The following FBN3 variants were observed in gnomAD, a reference collection of about 807,000 sequenced individuals.
FBN3 encodes fibrillin-3.
FBN3 carries 234 observed loss-of-function variants against 330.1 expected under a neutral mutation model. That is an observed-to-expected ratio of 0.71 (90% CI 0.64 to 0.79). The LOEUF is 0.79. FBN3 is among the 30% of genes least tolerant of loss of function. FBN3 has a pLI of 0.00. For missense variants in FBN3, 3,606 were observed against 3,886.9 expected, an observed-to-expected ratio of 0.93 and a Z score of 1.92; for synonymous variants, 1,458 against 1,517.3, an observed-to-expected ratio of 0.96 and a Z score of 0.91.
chr19:8,078,866 C>T (rs1278777634), intron 59 of FBN3, among the ~76,000 whole-genome samples: 1 of 151,698 alleles, frequency 6.6e-6, no homozygotes, highest in African/African-American at 2.4e-5. Context: ...ACTGCAGCCT[C>T]AACCTCCTGG....
rs1489548255 is a variant in FBN3 at position 8,091,598 on chromosome 19, G to T, written c.5906-8C>A. On this transcript the variant is annotated splice_polypyrimidine_tract_variant and splice_region_variant and intron_variant, in intron 47 of 63. Coordinates refer to ENST00000600128, the MANE Select transcript of FBN3 (RefSeq NM_032447.5). ...CTGAGCACTCGTCGATATCTGGAAG[G>T]GCAGGGACATGAGCTGGGTGGGGGG... is the stretch of plus-strand genomic sequence containing the variant. 1 of 1,613,820 alleles carries T rather than the reference G, an allele frequency of 6.2e-7. No individual in the cohort carries two copies. The highest frequency in any genetic ancestry group is 8.5e-7 in the Non-Finnish European group (1 of 1,179,906).
chr19:8,115,912 T>C (rs2082695348), intron 29 of FBN3, among the ~76,000 whole-genome samples: 1 of 151,960 alleles, frequency 6.6e-6, no homozygotes, highest in Non-Finnish European at 1.5e-5. Context: ...GTCAAATATA[T>C]TTAGAGAAGG....
chr19:8,086,133 G>GGGGGACAGGCAGTGGGA, intron 55 of FBN3, 67 bp downstream of exon 55: 1 of 1,229,658 alleles, frequency 8.1e-7, no homozygotes, highest in African/African-American at 1.6e-5. Context: ...AGGCAGTGGG[G>GGGGGACAGGCAGTGGGA]GGGGACAGGC....
At chr19:8,087,282 C>G (rs1405543431) in intron 53 of FBN3, 71 bp from the exon 54 acceptor site, 9 of 1,470,742 alleles carry the variant, frequency 6.1e-6, no homozygotes, top group Non-Finnish European at 8.1e-6. Flanking sequence ...TGGATTCCAC[C>G]CTGCGTCAGC....
Position 8,139,645 on chromosome 19 carries a change from G to C in FBN3, c.866-1081C>G, listed in dbSNP as rs13345952. 6.6e-3 allele frequency among the ~76,000 whole-genome samples: 1,007 copies of C among 152,040 alleles called. 7 individuals are homozygous for C. The highest frequency in any genetic ancestry group is 0.023 in the African/African-American group (935 of 41,452). ...GCCCCAAGGAGTCGAGGGGTGGATT[G>C]ACGGCTACAGCCCCCGGGGTGACTG... On this transcript the variant is annotated intron_variant, in intron 8 of 63. Transcript: ENST00000600128.
chr19:8,117,834 C>T (rs1006654609), intron 26 of FBN3, among the ~76,000 whole-genome samples: 1 of 152,070 alleles, frequency 6.6e-6, no homozygotes, highest in Admixed American at 6.6e-5. Context: ...CACACCCTGG[C>T]ACCCACTCAC....
chr19:8,092,530 T>C (rs1210084519), intron 47 of FBN3, among the ~76,000 whole-genome samples: 1 of 151,866 alleles, frequency 6.6e-6, no homozygotes, highest in Non-Finnish European at 1.5e-5. Flanking sequence ...TTGGCCAACA[T>C]GGTGAAACCC....
At chr19:8,081,210 G>C in intron 58 of FBN3, 91 bp from the exon 59 acceptor site, 1 of 1,486,188 alleles carries the variant, frequency 6.7e-7, no homozygotes, top group Non-Finnish European at 9.3e-7. Flanking sequence ...TCCAGGCAGA[G>C]GGGTGACAAG....
rs1335719279 is a variant in FBN3, at chr19:8,093,447, C to A, written c.5905+999G>T. On this transcript the variant is annotated intron_variant, in intron 47 of 63. Transcript: ENST00000600128. ...GAGCATCCTGGCTAACATGGTGAAA[C>A]CCCGTCTCTACTAAAAATACAAAAA... Among the ~76,000 whole-genome samples the A allele has an allele frequency of 2.6e-5, 4 of 151,952 alleles. No homozygotes were observed. The South Asian group carries it at 6.2e-4, about 24-fold the overall frequency.
rs1041322613 is a variant in FBN3 at position 8,100,905 on chromosome 19, G to A, written c.5157C>T (p.Pro1719=). 6.2e-7 allele frequency: 1 copy of A among 1,613,370 alleles called. No individual in the cohort carries two copies. Among genetic ancestry groups the A allele is most frequent in the African/African-American group, 1.3e-5 (1 of 74,850 alleles). The change falls in exon 41 of 64, where the codon CCC becomes CCT. Residue 1719 remains proline (P), a synonymous_variant. Coordinates refer to ENST00000600128, the MANE Select transcript of FBN3 (RefSeq NM_032447.5). ...GFLTDIHTGK[P]LDIDECGEIP... ...GAGCAGGGACCACTCACTCACCAAG[G>A]GGCTTCCCCGTGTGGATGTCAGTGA... is the stretch of plus-strand genomic sequence containing the variant.
At chr19:8,127,575 C>G (rs1431321228) in intron 18 of FBN3, among the ~76,000 whole-genome samples, 2 of 152,236 alleles carry the variant, frequency 1.3e-5, no homozygotes, top group African/African-American at 4.8e-5. Context: ...ACACCAGATG[C>G]CAGTTGCAAA....
rs1040519175 is a variant in FBN3 at position 8,123,401 on chromosome 19, T to G, written c.3082+63A>C. On this transcript the variant is annotated intron_variant, in intron 24 of 63. Coordinates refer to ENST00000600128, the MANE Select transcript of FBN3 (RefSeq NM_032447.5). ...AAGAACAGGTGTTGTCTCTACGTCT[T>G]ATTTGAGGCCCCTATCCCTGCCAAG... The G allele has an allele frequency of 1.0e-5, 16 of 1,558,292 alleles. No individual in the cohort carries two copies. In the Admixed American group the frequency reaches 2.7e-4, roughly 26 times the overall value.
intron 13 of FBN3, 82 bp downstream of exon 13, chr19:8,135,879 G>T: frequency 1.4e-6 from 2 of 1,442,306 alleles, no homozygotes; most frequent in Non-Finnish European, 1.9e-6. Flanking sequence ...GGGTTTGGGG[G>T]CACAGTGAAG....
chr19:8,137,321 G>A (rs1216985893), intron 10 of FBN3, among the ~76,000 whole-genome samples: 1 of 149,382 alleles, frequency 6.7e-6, no homozygotes, highest in African/African-American at 2.5e-5. Context: ...CCAACCTGGG[G>A]CCTTAGATCC....
intron 13 of FBN3, among the ~76,000 whole-genome samples, chr19:8,134,058 C>A (rs1300566929): frequency 9.5e-6 from 1 of 105,010 alleles, no homozygotes; most frequent in Non-Finnish European, 2.1e-5. Flanking sequence ...AACCCCATCT[C>A]TACTAAAAAT....
chr19:8,089,466 G>A (rs3813782), intron 51 of FBN3, 79 bp downstream of exon 51: 215,344 of 1,540,276 alleles, frequency 0.14, 16,275 homozygotes, highest in East Asian at 0.26. Context: ...CTGCCTGGGG[G>A]TGTCTTCCCT....
intron 51 of FBN3, among the ~76,000 whole-genome samples, chr19:8,089,170 G>T (rs759815932): frequency 1.6e-4 from 24 of 152,128 alleles, no homozygotes; most frequent in Non-Finnish European, 2.5e-4. Flanking sequence ...AACAAGTGAA[G>T]GAATGAGTGA....
Position 8,144,921 on chromosome 19 carries a change from C to G in FBN3, c.497G>C (p.Arg166Pro). 1 of 1,612,430 alleles carries G rather than the reference C, an allele frequency of 6.2e-7. No individual in the cohort carries two copies. The highest frequency in any genetic ancestry group is 1.3e-5 in the African/African-American group (1 of 75,006). Reference protein sequence around the residue: ...HNGGRCIGPNRCACVYGFMGP... With the variant: ...HNGGRCIGPNPCACVYGFMGP... ...CATGAAGCCATACACACAGGCGCAGCGGTTGGGCCCAATGCAGCGACCCCC... is the reference window on the plus strand; with the variant it reads ...CATGAAGCCATACACACAGGCGCAGGGGTTGGGCCCAATGCAGCGACCCCC... Residue 166 changes from arginine (R) to proline (P), a missense_variant, in exon 6 of 64, where the codon CGC (arginine) becomes CCC (proline). By Grantham distance (103) the Arg-to-Pro change is moderately radical. Transcript: ENST00000600128.
At chr19:8,116,329 T>C (rs2082703775) in intron 29 of FBN3, among the ~76,000 whole-genome samples, 1 of 152,144 alleles carries the variant, frequency 6.6e-6, no homozygotes, top group Non-Finnish European at 1.5e-5. Context: ...AGAAACCCCT[T>C]TGTCTTCAGT....
Sources: allele counts gnomAD v4.1 joint callset (sites outside exome capture counted in the v4.1 genomes callset), GRCh38; gene constraint gnomAD v4.1.1; transcripts MANE v1.5; gene names NCBI Gene and HGNC (gene_info 2026-07-23, HGNC 2026-07-21).